GPR89A: variants seen among roughly 807,000 people sequenced by gnomAD.
The protein encoded by GPR89A is golgi pH regulator A, also known as G protein-coupled receptor 89A.
Under a neutral mutation model 52.0 loss-of-function variants are expected in GPR89A, and 16 were observed. The observed-to-expected ratio is 0.31, with a 90% CI of 0.21 to 0.47. The LOEUF (loss-of-function observed/expected upper bound fraction) is 0.47. GPR89A is among the 20% of genes least tolerant of loss of function. GPR89A has a pLI of 1.00. For missense variants in GPR89A, 135 were observed against 449.4 expected, an observed-to-expected ratio of 0.30 and a Z score of 6.33; for synonymous variants, 55 against 150.9, an observed-to-expected ratio of 0.36 and a Z score of 4.66.
At chr1:145,662,449 CCTTTTA>C (rs1255337638) in intron 10 of GPR89A, among the ~76,000 whole-genome samples, 6 of 151,746 alleles carry the variant, frequency 4.0e-5, no homozygotes, top group Non-Finnish European at 8.8e-5. Flanking sequence ...ATTTTTCTGT[CCTTTTA>C]CTTTTAACCT....
chr1:145,627,691 A>G (rs1553689207), intron 5 of GPR89A, among the ~76,000 whole-genome samples: 2 of 152,022 alleles, frequency 1.3e-5, no homozygotes, highest in African/African-American at 4.8e-5. Flanking sequence ...AAATATATAA[A>G]TAAATAATTG....
intron 11 of GPR89A, among the ~76,000 whole-genome samples, chr1:145,663,772 T>A (rs1652369448): frequency 6.6e-6 from 1 of 152,194 alleles, no homozygotes; most frequent in Non-Finnish European, 1.5e-5. Context: ...TACTTCTCTC[T>A]GTGATTCTTA....
chr1:145,656,611 TC>T (rs1651824786), intron 10 of GPR89A, among the ~76,000 whole-genome samples: 1 of 152,192 alleles, frequency 6.6e-6, no homozygotes, highest in Non-Finnish European at 1.5e-5. Context: ...CCTTGGCCCC[TC>T]CCCCGACCTT....
At chr1:145,610,910 C>T (rs1305400368) in intron 1 of GPR89A, among the ~76,000 whole-genome samples, 1 of 151,986 alleles carries the variant, frequency 6.6e-6, no homozygotes, top group East Asian at 1.9e-4. Context: ...CAACTGTTAA[C>T]TAACTCATGT....
intron 10 of GPR89A, among the ~76,000 whole-genome samples, chr1:145,656,461 C>G (rs1651816380): frequency 6.6e-6 from 1 of 152,182 alleles, no homozygotes; most frequent in Admixed American, 6.5e-5. Flanking sequence ...CCCTGCTTTT[C>G]CTCGCTCTCC....
At chr1:145,617,596 G>C (rs782216659) in intron 2 of GPR89A, among the ~76,000 whole-genome samples, 47 of 152,100 alleles carry the variant, frequency 3.1e-4, no homozygotes, top group Admixed American at 2.6e-4. Flanking sequence ...GTAAAGACAG[G>C]TGTAAGAAAT....
chr1:145,623,587 T>G, intron 4 of GPR89A, 26 bp from the exon 5 acceptor site: 1 of 1,330,912 alleles, frequency 7.5e-7, no homozygotes, highest in Non-Finnish European at 1.1e-6. Flanking sequence ...CTGTTTTTCC[T>G]AACAGTTTTG....
intron 5 of GPR89A, among the ~76,000 whole-genome samples, chr1:145,628,464 A>G (rs1409792946): frequency 3.9e-5 from 6 of 151,968 alleles, no homozygotes; most frequent in Non-Finnish European, 8.8e-5. Flanking sequence ...ACTTATTACC[A>G]TAGTGTCGTA....
chr1:145,650,889 A>G (rs377459341), intron 10 of GPR89A, among the ~76,000 whole-genome samples: 2 of 152,222 alleles, frequency 1.3e-5, no homozygotes, highest in Non-Finnish European at 2.9e-5. Context: ...GATTCTGGAT[A>G]TTAGGCCTTT....
chr1:145,627,644 T>G (rs1649599356), intron 5 of GPR89A, among the ~76,000 whole-genome samples: 1 of 152,178 alleles, frequency 6.6e-6, no homozygotes, highest in Non-Finnish European at 1.5e-5. Context: ...CCCCTGAAAT[T>G]GATAGTCTTG....
Position 145,663,290 on chromosome 1 carries a change from T to G in GPR89A, c.910-39T>G, listed in dbSNP as rs782046794. 3 of 1,608,296 alleles carry G rather than the reference T, an allele frequency of 1.9e-6. No homozygotes were observed. In the East Asian group the frequency reaches 6.7e-5, roughly 36 times the overall value. On this transcript the variant is annotated intron_variant, in intron 10 of 13. Transcript: ENST00000313835. ...GTCACTTTTTGAAATAGTAAGTGAT[T>G]GTTAAGATGCTCCAAGGTAAAAATC... is the stretch of plus-strand genomic sequence containing the variant.
chr1:145,626,889 G>A lies in GPR89A; in HGVS notation c.415+3175G>A, dbSNP rs141605743. Among the ~76,000 whole-genome samples the A allele has an allele frequency of 3.9e-3, 543 of 140,404 alleles. 29 individuals carry two copies. In the East Asian group the frequency reaches 0.099, roughly 26 times the overall value. The allele number at this position is 140,404 out of a possible 152,430, so 92.1% of individuals were successfully genotyped here. ...AATTGCTTAAACCCAGGAGGCTGAG[G>A]TTGCAGTGAGCCGAGATCGTGCCAC... On this transcript the variant is annotated intron_variant, in intron 5 of 13. Coordinates refer to ENST00000313835, the MANE Select transcript of GPR89A (RefSeq NM_001097612.2).
At chr1:145,635,705 G>A (rs1378011534) in intron 7 of GPR89A, among the ~76,000 whole-genome samples, 7 of 151,860 alleles carry the variant, frequency 4.6e-5, no homozygotes, top group African/African-American at 7.3e-5. Flanking sequence ...AGTCATGACC[G>A]GGTACTCATG....
intron 7 of GPR89A, among the ~76,000 whole-genome samples, chr1:145,635,992 A>G (rs1352003225): frequency 7.9e-5 from 12 of 152,180 alleles, no homozygotes; most frequent in Non-Finnish European, 1.3e-4. Flanking sequence ...ACCCTTGTCA[A>G]GTGTGTATAC....
chr1:145,660,243 A>T (rs587733825), intron 10 of GPR89A, among the ~76,000 whole-genome samples: 2 of 152,302 alleles, frequency 1.3e-5, no homozygotes, highest in South Asian at 4.1e-4. Flanking sequence ...AAAACTGGCT[A>T]GCCATATGTA....
chr1:145,667,504 T>C (rs1652648064), intron 12 of GPR89A, among the ~76,000 whole-genome samples: 1 of 152,168 alleles, frequency 6.6e-6, no homozygotes, highest in Non-Finnish European at 1.5e-5. Context: ...GCAAAAATTT[T>C]CTCCCATTCT....
chr1:145,653,730 GTTTGTCTT>G (rs1348843816), intron 10 of GPR89A, among the ~76,000 whole-genome samples: 21 of 129,454 alleles, frequency 1.6e-4, no homozygotes, highest in Admixed American at 3.3e-4. Flanking sequence ...TAAAGCCCTT[GTTTGTCTT>G]TTTTGATCTT....
chr1:145,632,120 TTTTG>T (rs1380982769), intron 7 of GPR89A, among the ~76,000 whole-genome samples: 20 of 151,092 alleles, frequency 1.3e-4, no homozygotes, highest in African/African-American at 4.4e-4. Flanking sequence ...ATTAGAATTT[TTTTG>T]TTTAATTTTT....
chr1:145,632,116 A>C lies in GPR89A; in HGVS notation c.617+372A>C, dbSNP rs1292279729. ...CATTCTCCTTAGATAAATTATTAGA[A>C]TTTTTTTGTTTAATTTTTTAAATTG... On this transcript the variant is annotated intron_variant, in intron 7 of 13. Coordinates refer to ENST00000313835, the MANE Select transcript of GPR89A (RefSeq NM_001097612.2). Among the ~76,000 whole-genome samples, 3 of 150,250 alleles carry C rather than the reference A, an allele frequency of 2.0e-5. No homozygotes were observed. In the East Asian group the frequency reaches 5.9e-4, roughly 29 times the overall value.
Sources: gnomAD v4.1 joint callset for allele counts (sites outside exome capture counted in the v4.1 genomes callset) on GRCh38, gnomAD v4.1.1 for gene constraint, MANE v1.5 for transcripts, NCBI Gene and HGNC (gene_info 2026-07-23, HGNC 2026-07-21) for gene names.